The following CNGB1 variants were observed in gnomAD, a reference collection of about 807,000 sequenced individuals.
CNGB1 encodes the protein cyclic nucleotide gated channel subunit beta 1.
Under a neutral mutation model 151.7 loss-of-function variants are expected in CNGB1, and 126 were observed. The observed-to-expected ratio is 0.83, with a 90% CI of 0.72 to 0.96. The LOEUF is 0.96. Ranked by LOEUF, CNGB1 falls within the 40% of genes least tolerant of loss-of-function variation. CNGB1 has a pLI of 0.00. For synonymous variants in CNGB1, 623 were observed against 635.1 expected (o/e 0.98, Z 0.29); for missense variants, 1,698 against 1,627.0 (o/e 1.04, Z -0.75).
chr16:57,964,848 G>A (rs1962350096), intron 2 of CNGB1, among the ~76,000 whole-genome samples: 1 of 152,172 alleles, frequency 6.6e-6, no homozygotes, highest in African/African-American at 2.4e-5. Context: ...GGCCTGAGAG[G>A]AGAAAGGACC....
At chr16:57,929,620 T>A (rs1010577714) in intron 17 of CNGB1, among the ~76,000 whole-genome samples, 4 of 152,140 alleles carry the variant, frequency 2.6e-5, no homozygotes, top group African/African-American at 9.7e-5. Flanking sequence ...AACAGGTACA[T>A]CTTCCCATGA....
chr16:57,938,736 G>A (rs35257432), intron 16 of CNGB1, among the ~76,000 whole-genome samples: 4,108 of 152,288 alleles, frequency 0.027, 85 homozygotes, highest in Non-Finnish European at 0.044. Context: ...GACCCATTGC[G>A]TGGGGAATGT....
At chr16:57,944,951 TAAAAAAA>T (rs367717137) in intron 14 of CNGB1, among the ~76,000 whole-genome samples, 19,297 of 104,284 alleles carry the variant, frequency 0.19, 1,637 homozygotes, top group South Asian at 0.28. Flanking sequence ...ACTCTGTCTT[TAAAAAAA>T]AAAAAAAAAA....
intron 32 of CNGB1, among the ~76,000 whole-genome samples, chr16:57,887,062 A>C (rs3784891): frequency 0.26 from 39,331 of 151,952 alleles, 6,361 homozygotes; most frequent in African/African-American, 0.46. Context: ...AAAAAGAAAA[A>C]ATTTGTAGAG....
Position 57,884,223 on chromosome 16 carries a change from G to GCTC in CNGB1, c.3694_3696dup (p.Glu1232dup), listed in dbSNP as rs758182312. The GCTC allele has an allele frequency of 1.2e-6, 2 of 1,613,920 alleles. No homozygotes were observed. Among genetic ancestry groups the GCTC allele is most frequent in the Admixed American group, 1.7e-5 (1 of 60,024 alleles). On this transcript the variant is annotated inframe_insertion, in exon 33 of 33. Coordinates refer to ENST00000251102, the MANE Select transcript of CNGB1 (RefSeq NM_001297.5). Reference sequence around the variant, plus strand: ...TTCACCGACAGGATCTGCTCTCCCGGCTCCGGGCCCGGGCTCATGCAGATC... The same window carrying GCTC: ...TTCACCGACAGGATCTGCTCTCCCGGCTCCTCCGGGCCCGGGCTCATGCAGATC...
In CNGB1 at chr16:57,960,502, G is replaced by A. The variant is rs1464733403; in HGVS notation, c.563C>T (p.Thr188Ile). ...TGTACCTGGGTCTGAGGCAGCACCT[G>A]TAGCAACTGCAGGCTCATCTCTCCA... Reference protein sequence around the residue: ...EVWRDEPAVATGAASDPAPPG... With the variant: ...EVWRDEPAVAIGAASDPAPPG... The change falls in exon 9 of 33, where the codon ACA (threonine) becomes ATA (isoleucine). Residue 188 changes from threonine (T) to isoleucine (I), a missense_variant. Thr to Ile is a moderately conservative substitution (Grantham distance 89). Transcript: ENST00000251102. 3.7e-6 allele frequency: 6 copies of A among 1,613,810 alleles called. No homozygotes were observed. Among genetic ancestry groups the A allele is most frequent in the African/African-American group, 1.3e-5 (1 of 75,062 alleles).
chr16:57,933,758 T>A (rs1961426801), intron 16 of CNGB1, among the ~76,000 whole-genome samples: 1 of 149,808 alleles, frequency 6.7e-6, no homozygotes, highest in South Asian at 2.1e-4. Context: ...AGTCTCGCTC[T>A]GTCGCCTAGG....
chr16:57,920,231 G>C (rs1960990977), intron 19 of CNGB1, among the ~76,000 whole-genome samples, 156 bp downstream of exon 19: 1 of 152,184 alleles, frequency 6.6e-6, no homozygotes, highest in South Asian at 2.1e-4. Flanking sequence ...ATCTCAACCT[G>C]TACATATGGA....
intron 14 of CNGB1, among the ~76,000 whole-genome samples, chr16:57,948,307 C>T (rs1961858078): frequency 1.0e-5 from 1 of 98,094 alleles, no homozygotes; most frequent in Non-Finnish European, 2.0e-5. Context: ...CTTCTTTCTT[C>T]TTCTTCTTCT....
chr16:57,955,075 G>T (rs937450922), intron 12 of CNGB1: 1 of 1,352,518 alleles, frequency 7.4e-7, no homozygotes, highest in Non-Finnish European at 9.5e-7. Flanking sequence ...GCCCTCTGGG[G>T]GTAAGTCCTG....
chr16:57,926,281 G>A (rs1961186289), intron 17 of CNGB1, among the ~76,000 whole-genome samples: 1 of 152,156 alleles, frequency 6.6e-6, no homozygotes, highest in Non-Finnish European at 1.5e-5. Flanking sequence ...CAGCCCCTGA[G>A]GGCCAATCAG....
chr16:57,970,210 G>A (rs533577780), intron 1 of CNGB1, among the ~76,000 whole-genome samples: 2 of 152,266 alleles, frequency 1.3e-5, no homozygotes, highest in East Asian at 3.9e-4. Flanking sequence ...GAAGGTGGGG[G>A]CACAGACACA....
At chr16:57,917,242 C>G (rs1340005607) in intron 21 of CNGB1, 26 bp downstream of exon 21, 1 of 1,601,272 alleles carries the variant, frequency 6.2e-7, no homozygotes. Context: ...CCCCGGTCAC[C>G]CCAACACCAC....
In CNGB1 at chr16:57,920,506, C is replaced by A. The variant is rs769975112; in HGVS notation, c.1682G>T (p.Ser561Ile). Residue 561 changes from serine (S) to isoleucine (I), a missense_variant, in exon 19 of 33, where the codon AGC becomes ATC. Physicochemically the swap from Ser to Ile is moderately radical, Grantham distance 142 (BLOSUM62 -2). Transcript: ENST00000251102. ...DRAASTASTN[S>I]AIINDRLQEL... ...CTGGAGCCGGTCGTTGATGATGGCGCTATTTGTGCTGGCCGTGGAGGCCGC... is the reference window on the plus strand; with the variant it reads ...CTGGAGCCGGTCGTTGATGATGGCGATATTTGTGCTGGCCGTGGAGGCCGC... 1 of 1,614,028 alleles carries A rather than the reference C, an allele frequency of 6.2e-7. No individual in the cohort carries two copies. Among genetic ancestry groups the A allele is most frequent in the South Asian group, 1.1e-5 (1 of 91,086 alleles).
intron 19 of CNGB1, 75 bp from the exon 20 acceptor site, chr16:57,919,329 C>G: frequency 1.2e-6 from 2 of 1,611,374 alleles, no homozygotes; most frequent in South Asian, 1.1e-5. Flanking sequence ...AGGGTCCCAA[C>G]TGCAGACCTT....
intron 25 of CNGB1, among the ~76,000 whole-genome samples, chr16:57,910,721 AC>A (rs1437599657): frequency 8.2e-6 from 1 of 121,770 alleles, no homozygotes; most frequent in Non-Finnish European, 1.6e-5. Context: ...TTTTAAATCT[AC>A]CTATGACCTG....
chr16:57,901,461 A>T (rs1779911504), intron 28 of CNGB1, 26 bp from the exon 29 acceptor site: 1 of 1,614,062 alleles, frequency 6.2e-7, no homozygotes, highest in Non-Finnish European at 8.5e-7. Context: ...AGGGAAAGGA[A>T]CTTTTTAGAG....
intron 31 of CNGB1, 120 bp downstream of exon 31, chr16:57,897,277 G>C: frequency 9.1e-7 from 1 of 1,100,444 alleles, no homozygotes; most frequent in Non-Finnish European, 1.3e-6. Context: ...ACTCCAGACT[G>C]GGTGACAGAG....
intron 11 of CNGB1, among the ~76,000 whole-genome samples, chr16:57,958,119 G>C (rs1011293013): frequency 8.5e-5 from 13 of 152,138 alleles, no homozygotes; most frequent in African/African-American, 2.9e-4. Context: ...ATGCTTGGAG[G>C]CCACCTCCAC....
Sources: gnomAD v4.1 joint callset for allele counts (sites outside exome capture counted in the v4.1 genomes callset) on GRCh38, gnomAD v4.1.1 for gene constraint, MANE v1.5 for transcripts, NCBI Gene and HGNC (gene_info 2026-07-23, HGNC 2026-07-21) for gene names.